Variants in TBC1D30 observed in about 807,000 individuals in gnomAD.
The protein encoded by TBC1D30 is TBC1 domain family member 30.
In TBC1D30, 31 loss-of-function variants were observed where a neutral mutation model predicts 63.2. That is an observed-to-expected ratio of 0.49 (90% CI 0.37 to 0.66). The LOEUF (loss-of-function observed/expected upper bound fraction) is 0.66. TBC1D30 is among the 30% of genes least tolerant of loss of function. The probability of loss-of-function intolerance (pLI) is 0.00; values close to 1 mark genes in which losing one functional copy is unlikely to be tolerated. For synonymous variants in TBC1D30, 307 were observed against 361.5 expected, an observed-to-expected ratio of 0.85 and a Z score of 1.71; for missense variants, 810 against 953.6, an observed-to-expected ratio of 0.85 and a Z score of 1.98.
chr12:64,856,439 G>C (rs976700952), intron 8 of TBC1D30, among the ~76,000 whole-genome samples: 3 of 152,230 alleles, frequency 2.0e-5, no homozygotes, highest in Non-Finnish European at 4.4e-5. Flanking sequence ...GACTTGTAGA[G>C]GTACCCACCT....
At chr12:64,864,879 AAGT>A in intron 9 of TBC1D30, 99 bp downstream of exon 9, 1 of 828,270 alleles carries the variant, frequency 1.2e-6, no homozygotes, top group Non-Finnish European at 1.9e-6. Context: ...AGATATGTTA[AAGT>A]AAGTTGACAC....
intron 2 of TBC1D30, among the ~76,000 whole-genome samples, chr12:64,793,893 C>T (rs1872093936): frequency 6.6e-6 from 1 of 152,200 alleles, no homozygotes; most frequent in African/African-American, 2.4e-5. Context: ...CTTTGTCTCT[C>T]TCCTGTGGTG....
upstream of TBC1D30, among the ~76,000 whole-genome samples, chr12:64,823,315 G>A (rs1381880765): frequency 1.3e-5 from 2 of 152,160 alleles, no homozygotes; most frequent in Admixed American, 6.5e-5. Context: ...ATGTACAACT[G>A]TTGATGTACA....
intron 7 of TBC1D30, among the ~76,000 whole-genome samples, chr12:64,840,262 A>G (rs1875756427): frequency 6.6e-6 from 1 of 152,080 alleles, no homozygotes; most frequent in Non-Finnish European, 1.5e-5. Context: ...AAGCCCTTTG[A>G]GCTCTGATAG....
chr12:64,875,413 T>C lies in TBC1D30; in HGVS notation c.1911T>C (p.Ser637=). 1 of 1,536,108 alleles carries C rather than the reference T, an allele frequency of 6.5e-7. No individual in the cohort carries two copies. Among genetic ancestry groups the C allele is most frequent in the East Asian group, 2.4e-5 (1 of 40,904 alleles). The change falls in exon 12 of 12, where the codon TCT becomes TCC. Residue 637 remains serine (S), a synonymous_variant. Coordinates refer to ENST00000539867, the MANE Select transcript of TBC1D30 (RefSeq NM_015279.2). ...GSTRRTIEGQ[S]PEPVFGDADV... ...CCAGGAGGACGATCGAGGGGCAGTCTCCGGAGCCGGTGTTCGGAGATGCTG... is the reference window on the plus strand; with the variant it reads ...CCAGGAGGACGATCGAGGGGCAGTCCCCGGAGCCGGTGTTCGGAGATGCTG...
At chr12:64,821,623 C>T (rs993986375), upstream of TBC1D30, among the ~76,000 whole-genome samples, 20 of 152,186 alleles carry the variant, frequency 1.3e-4, no homozygotes, top group African/African-American at 4.3e-4. Context: ...CCATCTTCAG[C>T]CCCAGGGTAT....
chr12:64,870,455 C>T (rs1878563866), intron 10 of TBC1D30, 147 bp from the exon 11 acceptor site: 1 of 643,550 alleles, frequency 1.6e-6, no homozygotes, highest in Admixed American at 2.8e-5. Context: ...AAAATAAGCA[C>T]TAGACAAACT....
chr12:64,824,690 C>A lies in TBC1D30; in HGVS notation c.-190C>A. 1 of 703,942 alleles carries A rather than the reference C, an allele frequency of 1.4e-6. No individual in the cohort carries two copies. Among genetic ancestry groups the A allele is most frequent in the Non-Finnish European group, 2.2e-6 (1 of 452,216 alleles). The allele number at this position is 703,942 out of a possible 1,614,324, so 43.6% of individuals were successfully genotyped here. Reference sequence around the variant, plus strand: ...CTGCAGATGCCTGCTGGCTTCCCTGCGCTCGGCGGCTCCCGCGGTGCCCCG... The same window carrying A: ...CTGCAGATGCCTGCTGGCTTCCCTGAGCTCGGCGGCTCCCGCGGTGCCCCG... On this transcript the variant is annotated 5_prime_UTR_variant, in exon 1 of 12. Coordinates refer to ENST00000539867, the MANE Select transcript of TBC1D30 (RefSeq NM_015279.2).
intron 2 of TBC1D30, among the ~76,000 whole-genome samples, chr12:64,803,095 T>C (rs1438710598): frequency 6.6e-6 from 1 of 152,222 alleles, no homozygotes; most frequent in Non-Finnish European, 1.5e-5. Context: ...ATGGTTGAAC[T>C]AGTTTACAGT....
chr12:64,847,114 G>T (rs551778875), intron 8 of TBC1D30, among the ~76,000 whole-genome samples: 1 of 150,744 alleles, frequency 6.6e-6, no homozygotes, highest in East Asian at 1.9e-4. Flanking sequence ...TTCAATCTTG[G>T]TAGGTTGTAT....
At chr12:64,782,389 GAT>G (rs1491275468) in intron 1 of TBC1D30, among the ~76,000 whole-genome samples, 1 of 148,696 alleles carries the variant, frequency 6.7e-6, no homozygotes, top group African/African-American at 2.6e-5. Flanking sequence ...TCCTAGTGAA[GAT>G]TTTTTTTTTT....
In TBC1D30 at chr12:64,875,697, C is replaced by T. The variant is rs1879016904; in HGVS notation, c.2195C>T (p.Pro732Leu). Reference sequence around the variant, plus strand: ...GCCAGGAACTTGGGATTATATGGCCCTACAGAAAGAACCCCAACTGTGCAC... The same window carrying T: ...GCCAGGAACTTGGGATTATATGGCCTTACAGAAAGAACCCCAACTGTGCAC... ...ATARNLGLYG[P>L]TERTPTVHFP... Residue 732 changes from proline to leucine, a missense_variant, in exon 12 of 12, where the codon CCT (proline) becomes CTT (leucine). By Grantham distance (98) the Pro-to-Leu change is moderately conservative. This residue lies in a region of TBC1D30 where 450 missense variants were observed against 473.0 expected (regional missense o/e 0.95). Coordinates refer to ENST00000539867, the MANE Select transcript of TBC1D30 (RefSeq NM_015279.2). 6 of 1,536,554 alleles carry T rather than the reference C, an allele frequency of 3.9e-6. No homozygotes were observed. Among genetic ancestry groups the T allele is most frequent in the Non-Finnish European group, 2.6e-6 (3 of 1,146,998 alleles).
intron 8 of TBC1D30, among the ~76,000 whole-genome samples, chr12:64,859,007 G>T (rs1479320043): frequency 1.3e-5 from 2 of 151,658 alleles, no homozygotes; most frequent in African/African-American, 2.4e-5. Flanking sequence ...CAGAAGAATA[G>T]GATTTGACTA....
chr12:64,790,029 C>T (rs1396833104), intron 2 of TBC1D30, among the ~76,000 whole-genome samples: 2 of 152,190 alleles, frequency 1.3e-5, no homozygotes, highest in African/African-American at 4.8e-5. Context: ...GAGATAGGAT[C>T]TGAAGATAGG....
At chr12:64,844,900 C>T (rs1280539179) in intron 8 of TBC1D30, among the ~76,000 whole-genome samples, 5 of 152,296 alleles carry the variant, frequency 3.3e-5, no homozygotes, top group South Asian at 4.1e-4. Context: ...TTTCACTTAA[C>T]GTAATGACCT....
At chr12:64,764,040 A>G (rs561729384) in intron 1 of TBC1D30, among the ~76,000 whole-genome samples, 1 of 152,324 alleles carries the variant, frequency 6.6e-6, no homozygotes, top group East Asian at 1.9e-4. Context: ...TAAAATAACA[A>G]TCTTGTTTTA....
Position 64,875,510 on chromosome 12 carries a change from A to G in TBC1D30, c.2008A>G (p.Thr670Ala), listed in dbSNP as rs1878994415. The G allele has an allele frequency of 6.5e-7, 1 of 1,535,948 alleles. No homozygotes were observed. The highest frequency in any genetic ancestry group is 8.7e-7 in the Non-Finnish European group (1 of 1,146,922). ...GAACCAGAGGGATGCTGCAGCTGAA[A>G]CTGAGCTCAGGGTGCACCCACCCTG... is the stretch of plus-strand genomic sequence containing the variant. ...ELNQRDAAAE[T>A]ELRVHPPCQR... The change falls in exon 12 of 12, where the codon ACT becomes GCT. Residue 670 changes from threonine to alanine, a missense_variant. This residue lies in a region of TBC1D30 where 450 missense variants were observed against 473.0 expected (regional missense o/e 0.95). Coordinates refer to ENST00000539867, the MANE Select transcript of TBC1D30 (RefSeq NM_015279.2).
chr12:64,799,788 G>C (rs1872497359), intron 2 of TBC1D30, among the ~76,000 whole-genome samples: 1 of 152,196 alleles, frequency 6.6e-6, no homozygotes, highest in African/African-American at 2.4e-5. Context: ...AAAGCACTAG[G>C]GAACATGGGG....
At chr12:64,800,713 C>T (rs1457263805) in intron 2 of TBC1D30, among the ~76,000 whole-genome samples, 2 of 151,948 alleles carry the variant, frequency 1.3e-5, no homozygotes, top group South Asian at 2.1e-4. Flanking sequence ...AGGAGAGCAG[C>T]GTGGAAGATG....
Sources: gnomAD v4.1 joint callset for allele counts (sites outside exome capture counted in the v4.1 genomes callset) on GRCh38, gnomAD v4.1.1 for gene constraint, gnomAD v4.1.1 regional missense constraint, MANE v1.5 for transcripts, NCBI Gene and HGNC (gene_info 2026-07-23, HGNC 2026-07-21) for gene names.